Variants in STT3A observed in about 807,000 individuals in gnomAD.
STT3A encodes the protein dolichyl-diphosphooligosaccharide--protein glycosyltransferase subunit STT3A.
In STT3A, 34 loss-of-function variants were observed where a neutral mutation model predicts 89.2. The observed-to-expected ratio is 0.38, with a 90% confidence interval of 0.29 to 0.51. The LOEUF is 0.51. Among genes scored for constraint, STT3A ranks in the 20% least tolerant of loss-of-function variants. The pLI, the probability that STT3A is intolerant of heterozygous loss-of-function variation, is 0.89. For synonymous variants in STT3A, 282 were observed against 310.3 expected (o/e 0.91, Z 0.96); for missense variants, 555 against 889.5 (o/e 0.62, Z 4.78).
At chr11:125,600,341 C>T (rs1249955335) in intron 3 of STT3A, among the ~76,000 whole-genome samples, 3 of 151,602 alleles carry the variant, frequency 2.0e-5, no homozygotes, top group South Asian at 2.1e-4. Context: ...TGAGCCACTG[C>T]GCCTGGCCTT....
Position 125,612,982 on chromosome 11 carries a change from T to C in STT3A, c.1366-7T>C, listed in dbSNP as rs372020709. 42 of 1,613,042 alleles carry C rather than the reference T, an allele frequency of 2.6e-5. No homozygotes were observed. The highest frequency in any genetic ancestry group is 3.6e-5 in the Non-Finnish European group (42 of 1,179,288). On this transcript the variant is annotated splice_polypyrimidine_tract_variant and splice_region_variant and intron_variant, in intron 12 of 17. Transcript: ENST00000392708. The stretch of plus-strand genomic sequence containing the variant: ...AACTACACAATTAATTCTTTTTCCT[T>C]GTTTAGGTGGCAAGTGGGATGATAC...
At chr11:125,599,313 A>G (rs541485077) in intron 3 of STT3A, among the ~76,000 whole-genome samples, 2 of 152,330 alleles carry the variant, frequency 1.3e-5, no homozygotes, top group East Asian at 3.9e-4. Context: ...CTGACCAAGG[A>G]GGAAATAGGG....
In STT3A at chr11:125,604,147, T is replaced by C; in HGVS notation, c.418-10T>C. On this transcript the variant is annotated splice_polypyrimidine_tract_variant and intron_variant, in intron 5 of 17. Coordinates refer to ENST00000392708, the MANE Select transcript of STT3A (RefSeq NM_152713.5). ...GGTGTTAATGTCTTATTACCCTTTT[T>C]TTCTTACAGGATGCAGGGGCTGGGC... 6.2e-6 allele frequency: 10 copies of C among 1,613,868 alleles called. No individual in the cohort carries two copies. The highest frequency in any genetic ancestry group is 7.6e-6 in the Non-Finnish European group (9 of 1,179,794).
intron 11 of STT3A, among the ~76,000 whole-genome samples, chr11:125,612,307 T>C (rs12577606): frequency 6.6e-6 from 1 of 152,232 alleles, no homozygotes; most frequent in Non-Finnish European, 1.5e-5. Flanking sequence ...TTATATATTG[T>C]AGTAAAATAG....
chr11:125,604,302 T>C, intron 6 of STT3A, 55 bp downstream of exon 6: 1 of 1,561,702 alleles, frequency 6.4e-7, no homozygotes, highest in Non-Finnish European at 8.8e-7. Flanking sequence ...CCAACAGAGC[T>C]TCACAAAGTG....
chr11:125,613,138 C>T lies in STT3A; in HGVS notation c.1515C>T (p.Phe505=). The part of the protein sequence containing the change: ...GDGSRIIFDD[F]REAYYWLRHN... ...GCAGTAGGATCATATTTGATGACTT[C>T]CGAGAAGCATATTATTGGCTTCGTC... The change falls in exon 13 of 18, where the codon TTC becomes TTT. Residue 505 remains phenylalanine, a synonymous_variant. Coordinates refer to ENST00000392708, the MANE Select transcript of STT3A (RefSeq NM_152713.5). This position sits in a 1 kb window ranked among gnomAD's most constrained non-coding sequence, Gnocchi z 4.2. 6.2e-7 allele frequency: 1 copy of T among 1,614,054 alleles called. No homozygotes were observed.
At chr11:125,611,186 A>G (rs1056201913) in intron 10 of STT3A, 5 of 332,914 alleles carry the variant, frequency 1.5e-5, no homozygotes, top group Non-Finnish European at 2.8e-5. Flanking sequence ...TTTTATAAAT[A>G]TAGTATAATT....
chr11:125,592,274 G>GC (rs1366023312), upstream of STT3A: 13 of 391,408 alleles, frequency 3.3e-5, no homozygotes, highest in Admixed American at 3.8e-4. Context: ...CCAAGGCACA[G>GC]TAAAAGCTCG....
intron 11 of STT3A, among the ~76,000 whole-genome samples, chr11:125,612,186 A>G (rs1940045719): frequency 6.6e-6 from 1 of 152,262 alleles, no homozygotes; most frequent in South Asian, 2.1e-4. Flanking sequence ...ACATTCTCTT[A>G]TATACTTTAA....
chr11:125,608,016 T>G, intron 8 of STT3A, 93 bp from the exon 9 acceptor site: 27 of 1,311,872 alleles, frequency 2.1e-5, no homozygotes, highest in Non-Finnish European at 2.3e-5. Context: ...CATTTGACCA[T>G]TTGGTTTGAA....
Position 125,614,013 on chromosome 11 carries a change from A to T in STT3A, c.1555-74A>T, listed in dbSNP as rs1940097477. On this transcript the variant is annotated intron_variant, in intron 13 of 17. Transcript: ENST00000392708. This position sits in a 1 kb window ranked among gnomAD's most constrained non-coding sequence, Gnocchi z 4.9. ...AGGTGTCACTTCTGTCAGACCAAAG[A>T]TGCCTTCTCTGTTGCATTTGATTTT... The T allele has an allele frequency of 7.5e-7, 1 of 1,330,158 alleles. No homozygotes were observed. Among genetic ancestry groups the T allele is most frequent in the African/African-American group, 1.4e-5 (1 of 68,998 alleles). 82.4% of individuals were successfully genotyped at this position (1,330,158 alleles called of 1,614,324 possible).
chr11:125,599,022 C>G (rs974189452), intron 3 of STT3A, among the ~76,000 whole-genome samples: 1 of 152,194 alleles, frequency 6.6e-6, no homozygotes, highest in Non-Finnish European at 1.5e-5. Context: ...TCGTCAAGAG[C>G]TGTTAGGGAC....
chr11:125,592,374 C>A (rs2135890621), upstream of STT3A: 1 of 456,058 alleles, frequency 2.2e-6, no homozygotes, highest in East Asian at 6.9e-5. Flanking sequence ...GTAGAAAATG[C>A]TTCCCTCCTC....
At position 125,597,089 on chromosome 11, in the gene STT3A, G is replaced by A. The variant is rs1395138375; in HGVS notation, c.119G>A (p.Arg40Lys). The change falls in exon 3 of 18, where the codon AGA becomes AAA. Residue 40 changes from arginine to lysine, a missense_variant. Around this residue, in one of 5 missense-constraint regions of STT3A, gnomAD observed 129 missense variants for 193.2 expected, o/e 0.67. Transcript: ENST00000392708. ...TCCACTCGTCTGTTTGCTGTCCTGAGATTTGAAAGTGTTATCCATGAGTTT... is the reference window on the plus strand; with the variant it reads ...TCCACTCGTCTGTTTGCTGTCCTGAAATTTGAAAGTGTTATCCATGAGTTT... ...SFSTRLFAVL[R>K]FESVIHEFDP... The A allele has an allele frequency of 6.2e-7, 1 of 1,614,012 alleles. No individual in the cohort carries two copies. Among genetic ancestry groups the A allele is most frequent in the Admixed American group, 1.7e-5 (1 of 60,010 alleles).
chr11:125,606,840 A>G (rs1208629314), intron 8 of STT3A, among the ~76,000 whole-genome samples: 1 of 152,258 alleles, frequency 6.6e-6, no homozygotes, highest in Non-Finnish European at 1.5e-5. Context: ...TAAGTGCTTC[A>G]GGAAGTAAAG....
Position 125,601,055 on chromosome 11 carries a change from G to A in STT3A, c.150-1248G>A, listed in dbSNP as rs184989876. Among the ~76,000 whole-genome samples the A allele has an allele frequency of 6.5e-3, 988 of 152,284 alleles. 8 individuals are homozygous for A. The highest frequency in any genetic ancestry group is 0.023 in the African/African-American group (940 of 41,554). The stretch of plus-strand genomic sequence containing the variant: ...TCTTGCCTCAGTCTTCCAAAGTGCC[G>A]GGCTTACAGGCATGAGCTGCCATGC... On this transcript the variant is annotated intron_variant, in intron 3 of 17. Coordinates refer to ENST00000392708, the MANE Select transcript of STT3A (RefSeq NM_152713.5).
chr11:125,609,437 A>G lies in STT3A; in HGVS notation c.965A>G (p.Lys322Arg), dbSNP rs1939935121. 15 of 1,600,050 alleles carry G rather than the reference A, an allele frequency of 9.4e-6. No homozygotes were observed. Among genetic ancestry groups the G allele is most frequent in the Non-Finnish European group, 8.5e-6 (10 of 1,175,144 alleles). ...TVGALLMLTG[K>R]ISPWTGRFYS... ...TTTATTGCCTCTTTGCTGCTAGGAA[A>G]AATATCTCCCTGGACGGGGCGTTTC... is the stretch of plus-strand genomic sequence containing the variant. Residue 322 changes from lysine (K) to arginine (R), a missense_variant, in exon 10 of 18, where the codon AAA (lysine) becomes AGA (arginine). By Grantham distance (26) the Lys-to-Arg change is conservative. Transcript: ENST00000392708.
intron 16 of STT3A, 135 bp downstream of exon 16, chr11:125,618,696 C>T (rs546076160): frequency 2.5e-6 from 2 of 791,328 alleles, no homozygotes; most frequent in Non-Finnish European, 1.9e-6. Flanking sequence ...ACCCCAAAGG[C>T]ATATACTGAT....
chr11:125,612,633 C>G lies in STT3A; in HGVS notation c.1251C>G (p.Leu417=), dbSNP rs771330269. The change falls in exon 12 of 18, where the codon CTC becomes CTG. Residue 417 remains leucine, a synonymous_variant. Transcript: ENST00000392708. ...TGTTGGCACCTGTTATGTGCATTCT[C>G]TCTGGCATTGGAGTCTCCCAGGTGC... The part of the protein sequence containing the change: ...MLVLAPVMCI[L]SGIGVSQVLS... 6.2e-7 allele frequency: 1 copy of G among 1,614,158 alleles called. No homozygotes were observed. Among genetic ancestry groups the G allele is most frequent in the Non-Finnish European group, 8.5e-7 (1 of 1,180,034 alleles).
Sources: allele counts gnomAD v4.1 joint callset (sites outside exome capture counted in the v4.1 genomes callset), GRCh38; gene constraint gnomAD v4.1.1; regional missense constraint gnomAD v4.1.1; non-coding constraint Gnocchi (gnomAD v3.1); transcripts MANE v1.5; gene names NCBI Gene and HGNC (gene_info 2026-07-23, HGNC 2026-07-21).